Variants in CCDC170 observed in about 807,000 individuals in gnomAD.
CCDC170 encodes coiled-coil domain containing 170.
Under a neutral mutation model 72.6 loss-of-function variants are expected in CCDC170, and 69 were observed. The observed-to-expected ratio is 0.95, with a 90% CI of 0.78 to 1.16. The LOEUF is 1.16. CCDC170 is among the 50% of genes most tolerant of loss of function. CCDC170 has a pLI of 0.00. For synonymous variants in CCDC170, 300 were observed against 303.9 expected (o/e 0.99, Z 0.13); for missense variants, 852 against 832.5 (o/e 1.02, Z -0.29).
intron 3 of CCDC170, among the ~76,000 whole-genome samples, chr6:151,540,778 A>T (rs1170140299): frequency 6.6e-6 from 1 of 152,112 alleles, no homozygotes; most frequent in Non-Finnish European, 1.5e-5. Flanking sequence ...TCCAAATATT[A>T]TACCATCATA....
intron 3 of CCDC170, among the ~76,000 whole-genome samples, chr6:151,540,012 C>T (rs1238180583): frequency 2.0e-5 from 3 of 152,136 alleles, no homozygotes; most frequent in Non-Finnish European, 4.4e-5. Flanking sequence ...TTGTCACTAA[C>T]TTGGTCCAAG....
intron 5 of CCDC170, among the ~76,000 whole-genome samples, chr6:151,571,424 T>A (rs1776217130): frequency 6.6e-6 from 1 of 152,170 alleles, no homozygotes. Context: ...TGGAACTTGA[T>A]GTTAAAAAAT....
At chr6:151,509,649 TAGAA>T (rs960813587) in intron 1 of CCDC170, among the ~76,000 whole-genome samples, 2 of 152,216 alleles carry the variant, frequency 1.3e-5, no homozygotes, top group Non-Finnish European at 2.9e-5. Context: ...AAAAAGTGGT[TAGAA>T]AGAGATTTAT....
chr6:151,617,433 T>A (rs1583054712), intron 10 of CCDC170, among the ~76,000 whole-genome samples: 1 of 37,386 alleles, frequency 2.7e-5, no homozygotes, highest in African/African-American at 1.4e-4. Context: ...TTTTTTTTTT[T>A]TTTTTTTTTT....
chr6:151,586,523 G>A (rs1457037271), intron 7 of CCDC170, among the ~76,000 whole-genome samples: 1 of 152,174 alleles, frequency 6.6e-6, no homozygotes, highest in Non-Finnish European at 1.5e-5. Context: ...AGATAAGTCA[G>A]ATTATAGTGG....
chr6:151,615,893 A>T, intron 10 of CCDC170: 3 of 498,714 alleles, frequency 6.0e-6, no homozygotes, highest in Non-Finnish European at 1.1e-5. Context: ...TCACATATTT[A>T]TTCAAAAGCA....
intron 5 of CCDC170, among the ~76,000 whole-genome samples, chr6:151,571,440 T>A (rs1052508619): frequency 6.6e-5 from 10 of 152,200 alleles, no homozygotes; most frequent in African/African-American, 2.2e-4. Flanking sequence ...AAAATAATTT[T>A]AAAAATCAAT....
intron 9 of CCDC170, among the ~76,000 whole-genome samples, chr6:151,604,239 C>G (rs532601872): frequency 6.6e-6 from 1 of 152,180 alleles, no homozygotes; most frequent in Non-Finnish European, 1.5e-5. Context: ...TTCTCCAACC[C>G]AACGAGTATA....
chr6:151,575,525 CTTTTTTTTTT>C (rs869185539), intron 6 of CCDC170, among the ~76,000 whole-genome samples: 4 of 79,672 alleles, frequency 5.0e-5, no homozygotes, highest in Non-Finnish European at 6.3e-5. Context: ...TCTTTTCTTT[CTTTTTTTTTT>C]TTTTTTTTTT....
At chr6:151,574,961 G>A (rs977398398) in intron 6 of CCDC170, among the ~76,000 whole-genome samples, 9 of 151,920 alleles carry the variant, frequency 5.9e-5, no homozygotes, top group African/African-American at 2.2e-4. Context: ...AGTCTTTCAG[G>A]GGTCCTATCT....
intron 7 of CCDC170, among the ~76,000 whole-genome samples, chr6:151,592,016 C>T (rs1776544898): frequency 6.6e-6 from 1 of 151,928 alleles, no homozygotes; most frequent in South Asian, 2.1e-4. Context: ...GGGAAAAATT[C>T]CCAAGGAAGG....
rs1204861078 is a variant in CCDC170 at position 151,615,646 on chromosome 6, A to G, written c.1914A>G (p.Lys638=). The change falls in exon 10 of 11, where the codon AAA becomes AAG. Residue 638 remains lysine, a synonymous_variant. Coordinates refer to ENST00000239374, the MANE Select transcript of CCDC170 (RefSeq NM_025059.4). The part of the protein sequence containing the change: ...VVTSEMKTLK[K]SLEEAEKREK... ...CCAGTGAAATGAAGACACTAAAAAA[A>G]TCTCTGGAAGAAGCAGAAAAGAGAG... 2 of 1,614,036 alleles carry G rather than the reference A, an allele frequency of 1.2e-6. No individual in the cohort carries two copies. Among genetic ancestry groups the G allele is most frequent in the Non-Finnish European group, 8.5e-7 (1 of 1,179,964 alleles).
intron 1 of CCDC170, among the ~76,000 whole-genome samples, chr6:151,531,100 G>C (rs1782484914): frequency 6.6e-6 from 1 of 152,106 alleles, no homozygotes; most frequent in African/African-American, 2.4e-5. Flanking sequence ...AGTCGGCTAT[G>C]GCTTTCATGT....
At chr6:151,546,272 G>A (rs535441994) in intron 4 of CCDC170, among the ~76,000 whole-genome samples, 76 of 152,038 alleles carry the variant, frequency 5.0e-4, no homozygotes, top group Non-Finnish European at 9.1e-4. Context: ...CCTCCCTATG[G>A]CTAACTTGTG....
At chr6:151,544,914 TTG>T (rs1782748797) in intron 4 of CCDC170, among the ~76,000 whole-genome samples, 198 bp downstream of exon 4, 1 of 152,148 alleles carries the variant, frequency 6.6e-6, no homozygotes, top group Non-Finnish European at 1.5e-5. Flanking sequence ...TCTAGCATTA[TTG>T]GAATTAATTA....
At chr6:151,555,980 G>A (rs891042319) in intron 5 of CCDC170, among the ~76,000 whole-genome samples, 12 of 152,286 alleles carry the variant, frequency 7.9e-5, no homozygotes, top group East Asian at 3.9e-4. Context: ...GGATGGTGGC[G>A]TATGCCTGTA....
intron 6 of CCDC170, among the ~76,000 whole-genome samples, chr6:151,575,000 C>T (rs765633859): frequency 6.6e-6 from 1 of 152,086 alleles, no homozygotes; most frequent in African/African-American, 2.4e-5. Flanking sequence ...GTTTAATTCA[C>T]GTATATGATT....
At chr6:151,499,834 A>G (rs1488976331) in intron 1 of CCDC170, among the ~76,000 whole-genome samples, 1 of 152,166 alleles carries the variant, frequency 6.6e-6, no homozygotes, top group Non-Finnish European at 1.5e-5. Flanking sequence ...TGTTCTGTTT[A>G]TCCATTCATC....
Position 151,594,739 on chromosome 6 carries a change from C to A in CCDC170, c.1467+1459C>A, listed in dbSNP as rs567101208. On this transcript the variant is annotated intron_variant, in intron 8 of 10. Transcript: ENST00000239374. ...CGATCTCGGCTCACTGCAACCTCTGCCTCCCGGGTTCAGGTGATTCTCCTG... is the reference window on the plus strand; with the variant it reads ...CGATCTCGGCTCACTGCAACCTCTGACTCCCGGGTTCAGGTGATTCTCCTG... Among the ~76,000 whole-genome samples the A allele has an allele frequency of 8.6e-4, 130 of 151,924 alleles. 1 individual carries two copies. Among genetic ancestry groups the A allele is most frequent in the African/African-American group, 2.8e-3 (116 of 41,390 alleles).
Sources: gnomAD v4.1 joint callset for allele counts (sites outside exome capture counted in the v4.1 genomes callset) on GRCh38, gnomAD v4.1.1 for gene constraint, MANE v1.5 for transcripts, NCBI Gene and HGNC (gene_info 2026-07-23, HGNC 2026-07-21) for gene names.